Variants in PAX3 observed in about 807,000 individuals in gnomAD.
The protein encoded by PAX3 is paired box protein Pax-3.
Under a neutral mutation model 51.6 loss-of-function variants are expected in PAX3, and 14 were observed. The observed-to-expected ratio is 0.27, with a 90% CI of 0.18 to 0.42. The LOEUF (loss-of-function observed/expected upper bound fraction) is 0.42. Ranked by LOEUF, PAX3 falls within the 10% of genes least tolerant of loss-of-function variation. The pLI, the probability that PAX3 is intolerant of heterozygous loss-of-function variation, is 1.00. For missense variants in PAX3, 540 were observed against 642.8 expected (o/e 0.84, Z 1.73); for synonymous variants, 280 against 253.4 (o/e 1.11, Z -1.00).
At chr2:222,209,696 C>CAAAAAAAAAAAAAAAAAA (rs546468709) in intron 7 of PAX3, among the ~76,000 whole-genome samples, 1 of 61,372 alleles carries the variant, frequency 1.6e-5, no homozygotes, top group East Asian at 8.6e-4. Flanking sequence ...TCTGTCTCTA[C>CAAAAAAAAAAAAAAAAAA]AAAAAAAAAA....
At chr2:222,203,184 C>T (rs1242178810) in intron 7 of PAX3, among the ~76,000 whole-genome samples, 1 of 150,620 alleles carries the variant, frequency 6.6e-6, no homozygotes, top group Non-Finnish European at 1.5e-5. Context: ...ACTTTCAGAT[C>T]AACATGGTGA....
chr2:222,204,326 A>G (rs1268083480), intron 7 of PAX3, among the ~76,000 whole-genome samples: 1 of 152,182 alleles, frequency 6.6e-6, no homozygotes, highest in South Asian at 2.1e-4. Context: ...CTAAGAATGC[A>G]TTTAAATTAG....
chr2:222,201,681 T>C, intron 8 of PAX3: 1 of 1,428,006 alleles, frequency 7.0e-7, no homozygotes, highest in Non-Finnish European at 9.2e-7. Context: ...TTATTTCATT[T>C]TGGCCAACCC....
chr2:222,282,829 G>A (rs548352104), intron 4 of PAX3, among the ~76,000 whole-genome samples: 6 of 152,350 alleles, frequency 3.9e-5, no homozygotes, highest in Admixed American at 2.6e-4. Flanking sequence ...ATTTGAAGAA[G>A]CAATAGAATA....
chr2:222,226,956 G>A (rs1692408151), intron 5 of PAX3, among the ~76,000 whole-genome samples: 1 of 151,778 alleles, frequency 6.6e-6, no homozygotes, highest in Non-Finnish European at 1.5e-5. Context: ...AAAATTTTGT[G>A]TACAAATCTC....
chr2:222,201,816 G>T (rs1415746489), intron 8 of PAX3, 128 bp downstream of exon 8: 1 of 1,459,316 alleles, frequency 6.9e-7, no homozygotes, highest in East Asian at 2.4e-5. Context: ...AGCTGGCTTT[G>T]CAAAAAAAAA....
At chr2:222,253,249 G>A (rs529622472) in intron 4 of PAX3, among the ~76,000 whole-genome samples, 12 of 152,330 alleles carry the variant, frequency 7.9e-5, no homozygotes, top group African/African-American at 2.6e-4. Flanking sequence ...CACTCCACAG[G>A]TAGCTCTGAG....
At chr2:222,248,062 C>T (rs1693293152) in intron 4 of PAX3, among the ~76,000 whole-genome samples, 2 of 152,142 alleles carry the variant, frequency 1.3e-5, no homozygotes, top group South Asian at 4.1e-4. Flanking sequence ...TCTGGATCAT[C>T]TATTGCTTAG....
At chr2:222,290,298 C>G (rs1250668242) in intron 4 of PAX3, among the ~76,000 whole-genome samples, 1 of 152,214 alleles carries the variant, frequency 6.6e-6, no homozygotes, top group Non-Finnish European at 1.5e-5. Context: ...AGCTGACAAG[C>G]TTACAAATAA....
rs1695460526 is a variant in PAX3, at chr2:222,298,905, G to A, written c.-290C>T. The A allele has an allele frequency of 9.4e-6, 5 of 531,144 alleles. No individual in the cohort carries two copies. Among genetic ancestry groups the A allele is most frequent in the Non-Finnish European group, 1.7e-5 (5 of 294,440 alleles). 32.9% of individuals were successfully genotyped at this position (531,144 alleles called of 1,614,324 possible). A position where few individuals can be genotyped will look rare whatever the true frequency, so the allele number is the denominator to read the frequency against. On this transcript the variant is annotated 5_prime_UTR_variant, in exon 1 of 9. Transcript: ENST00000392070. ...AAATGTTCCAGCGACTGGGGTCCCT[G>A]AAAAGGGGGCTCAGAGAGCCACGGC...
At chr2:222,215,071 C>A (rs2106060161) in intron 7 of PAX3, among the ~76,000 whole-genome samples, 1 of 152,112 alleles carries the variant, frequency 6.6e-6, no homozygotes, top group South Asian at 2.1e-4. Context: ...AATTTATGGG[C>A]TCTGAGGTTG....
chr2:222,220,096 T>C (rs371919705), intron 7 of PAX3, 44 bp downstream of exon 7: 10 of 1,527,350 alleles, frequency 6.5e-6, no homozygotes, highest in Non-Finnish European at 9.1e-6. Context: ...GAATATTTGG[T>C]TCTGGTATAC....
intron 4 of PAX3, among the ~76,000 whole-genome samples, chr2:222,274,917 C>T (rs1694366339): frequency 6.6e-6 from 1 of 152,122 alleles, no homozygotes. Flanking sequence ...ATTCATGTGG[C>T]AGAATCAGTC....
Position 222,201,303 on chromosome 2 carries a change from C to CG in PAX3, c.*104_*105insC. ...CCTATTGGGACCACTGCCCCACCCC[C>CG]CCCAACAAAAGGGTAATTTTTTTTT... is the stretch of plus-strand genomic sequence containing the variant. On this transcript the variant is annotated 3_prime_UTR_variant, in exon 9 of 9. Coordinates refer to ENST00000392070, the MANE Select transcript of PAX3 (RefSeq NM_181458.4). 6.2e-7 allele frequency: 1 copy of CG among 1,612,652 alleles called. No homozygotes were observed. Among genetic ancestry groups the CG allele is most frequent in the East Asian group, 2.2e-5 (1 of 44,600 alleles).
intron 4 of PAX3, among the ~76,000 whole-genome samples, chr2:222,257,027 G>C (rs1287603512): frequency 6.6e-6 from 1 of 152,134 alleles, no homozygotes; most frequent in Non-Finnish European, 1.5e-5. Context: ...TCACAGAATG[G>C]GCACACACAG....
At position 222,249,919 on chromosome 2, in the gene PAX3, A is replaced by C. The variant is rs1006109617; in HGVS notation, c.587-17636T>G. ...CAATATTCATGCTTATAAGCTACCT[A>C]GAGTCTTTGATAGGAGAATAGGGTT... On this transcript the variant is annotated intron_variant, in intron 4 of 8. Transcript: ENST00000392070. 2.6e-5 allele frequency among the ~76,000 whole-genome samples: 4 copies of C among 152,162 alleles called. 1 individual carries two copies. The highest frequency in any genetic ancestry group is 2.6e-4 in the Admixed American group (4 of 15,264).
intron 4 of PAX3, among the ~76,000 whole-genome samples, chr2:222,246,639 A>C (rs1035616253): frequency 6.6e-6 from 1 of 152,110 alleles, no homozygotes; most frequent in African/African-American, 2.4e-5. Context: ...ATATAGACAG[A>C]TCCAACTCCT....
intron 4 of PAX3, among the ~76,000 whole-genome samples, chr2:222,292,207 T>C (rs1421411182): frequency 1.3e-5 from 2 of 152,208 alleles, no homozygotes; most frequent in Non-Finnish European, 2.9e-5. Context: ...TGGGGCTCAT[T>C]GAATAATTCA....
At chr2:222,208,207 G>A (rs1359951240) in intron 7 of PAX3, among the ~76,000 whole-genome samples, 5 of 152,090 alleles carry the variant, frequency 3.3e-5, no homozygotes, top group South Asian at 2.1e-4. Flanking sequence ...ATTCATTTAC[G>A]CATGCCTGCA....
Sources: allele counts gnomAD v4.1 joint callset (sites outside exome capture counted in the v4.1 genomes callset), GRCh38; gene constraint gnomAD v4.1.1; transcripts MANE v1.5; gene names NCBI Gene and HGNC (gene_info 2026-07-23, HGNC 2026-07-21).